Variants in PHF24 observed in about 807,000 individuals in gnomAD.
PHF24 encodes the protein PHD finger protein 24.
Under a neutral mutation model 42.6 loss-of-function variants are expected in PHF24, and 25 were observed. The observed-to-expected ratio is 0.59, with a 90% CI of 0.43 to 0.82. The LOEUF (loss-of-function observed/expected upper bound fraction) is 0.82. Ranked by LOEUF, PHF24 falls within the 40% of genes least tolerant of loss-of-function variation. PHF24 has a pLI of 0.00. For synonymous variants in PHF24, 185 were observed against 204.8 expected (o/e 0.90, Z 0.83); for missense variants, 470 against 538.1 (o/e 0.87, Z 1.25).
the PHF24 span, among the ~76,000 whole-genome samples, chr9:34,674,348 A>C: frequency 6.6e-6 from 1 of 152,230 alleles, no homozygotes; most frequent in African/African-American, 2.4e-5. Context: ...TTTCAATGCC[A>C]AGACACTGAA....
chr9:34,868,969 C>A, the PHF24 span, among the ~76,000 whole-genome samples: 2 of 152,178 alleles, frequency 1.3e-5, no homozygotes, highest in Non-Finnish European at 2.9e-5. Context: ...CATGTGTTAT[C>A]GTTCAGCTCC....
At chr9:34,689,669 C>T in the PHF24 span, 1 of 845,198 alleles carries the variant, frequency 1.2e-6, no homozygotes, top group South Asian at 1.6e-5. This position sits in a 1 kb window ranked among gnomAD's most constrained non-coding sequence, Gnocchi z 4.1. Context: ...CACTCACACT[C>T]ACACACACCC....
the PHF24 span, among the ~76,000 whole-genome samples, chr9:34,708,133 T>C: frequency 6.6e-6 from 1 of 151,980 alleles, no homozygotes; most frequent in Non-Finnish European, 1.5e-5. Context: ...TGGAGGTGAT[T>C]TGGGGAATAG....
chr9:34,833,420 A>T, the PHF24 span: 1 of 1,550,898 alleles, frequency 6.4e-7, no homozygotes, highest in Non-Finnish European at 8.7e-7. Context: ...CTGTTCTTTA[A>T]GGTGAACCCC....
intron 4 of PHF24, 38 bp downstream of exon 4, chr9:34,976,268 G>C (rs181763935): frequency 6.5e-7 from 1 of 1,529,684 alleles, no homozygotes; most frequent in Non-Finnish European, 9.1e-7. Context: ...GAGAGGGGCC[G>C]GGCAGATTTC....
At chr9:34,863,931 G>T in the PHF24 span, among the ~76,000 whole-genome samples, 3 of 152,180 alleles carry the variant, frequency 2.0e-5, no homozygotes, top group Non-Finnish European at 4.4e-5. Flanking sequence ...TTCTACAAGA[G>T]AAATTTAACA....
At chr9:34,739,665 G>A in the PHF24 span, among the ~76,000 whole-genome samples, 4 of 152,082 alleles carry the variant, frequency 2.6e-5, no homozygotes, top group Non-Finnish European at 2.9e-5. Context: ...GCAGACCTTC[G>A]CGGTGAGTGT....
the PHF24 span, among the ~76,000 whole-genome samples, chr9:34,760,587 G>A: frequency 6.6e-6 from 1 of 152,184 alleles, no homozygotes; most frequent in African/African-American, 2.4e-5. Context: ...TCACACAGCC[G>A]GTTACCGCCC....
At chr9:34,967,817 C>T (rs191165782) in intron 1 of PHF24, among the ~76,000 whole-genome samples, 6,148 of 152,264 alleles carry the variant, frequency 0.04, 218 homozygotes, top group African/African-American at 0.095. Flanking sequence ...TAGATTCCCT[C>T]ATTAGATCAT....
chr9:34,699,069 T>C, the PHF24 span, among the ~76,000 whole-genome samples: 1 of 152,368 alleles, frequency 6.6e-6, no homozygotes, highest in Non-Finnish European at 1.5e-5. Context: ...CTAAGGGTGC[T>C]ATCTAAGCAA....
chr9:34,869,331 C>T, the PHF24 span, among the ~76,000 whole-genome samples: 1 of 152,188 alleles, frequency 6.6e-6, no homozygotes, highest in Admixed American at 6.6e-5. Context: ...AGTCACCACA[C>T]TGTCTTCTAT....
the PHF24 span, chr9:34,727,128 T>C: frequency 7.1e-7 from 1 of 1,416,804 alleles, no homozygotes; most frequent in Middle Eastern, 1.9e-4. Flanking sequence ...CTGTCTGCTT[T>C]CCTTGCTAAG....
the PHF24 span, chr9:34,723,480 G>A: frequency 3.9e-6 from 6 of 1,551,822 alleles, no homozygotes; most frequent in Non-Finnish European, 5.2e-6. Context: ...GCTGGAGCCA[G>A]GCTCTTTGCA....
At chr9:34,793,395 C>A in the PHF24 span, among the ~76,000 whole-genome samples, 4 of 152,164 alleles carry the variant, frequency 2.6e-5, no homozygotes, top group East Asian at 7.7e-4. Context: ...ATGGACTATT[C>A]AAAAGCCTTT....
the PHF24 span, among the ~76,000 whole-genome samples, chr9:34,732,464 AT>A: frequency 4.0e-5 from 6 of 151,338 alleles, no homozygotes; most frequent in Non-Finnish European, 5.9e-5. Context: ...GGATTATTAG[AT>A]TTTTTTTTCT....
the PHF24 span, among the ~76,000 whole-genome samples, chr9:34,935,742 G>GT: frequency 6.0e-5 from 9 of 150,904 alleles, no homozygotes; most frequent in East Asian, 1.9e-4. Flanking sequence ...GTGTGGGGGG[G>GT]GGGTGTGTGT....
At chr9:34,872,531 T>G in the PHF24 span, among the ~76,000 whole-genome samples, 1 of 151,050 alleles carries the variant, frequency 6.6e-6, no homozygotes, top group African/African-American at 2.4e-5. Context: ...ACAAAGGACA[T>G]GAACTCATCA....
chr9:34,695,592 T>C, the PHF24 span, among the ~76,000 whole-genome samples: 4 of 152,286 alleles, frequency 2.6e-5, no homozygotes, highest in African/African-American at 4.8e-5. Context: ...GGGGCAGTCT[T>C]GTGGAACTGA....
At chr9:34,682,911 G>A in the PHF24 span, among the ~76,000 whole-genome samples, 2 of 152,168 alleles carry the variant, frequency 1.3e-5, no homozygotes, top group Non-Finnish European at 2.9e-5. Flanking sequence ...CATCTGGCAG[G>A]CTGACCACCT....
Sources: allele counts gnomAD v4.1 joint callset (sites outside exome capture counted in the v4.1 genomes callset), GRCh38; gene constraint gnomAD v4.1.1; non-coding constraint Gnocchi (gnomAD v3.1); transcripts MANE v1.5; gene names NCBI Gene and HGNC (gene_info 2026-07-23, HGNC 2026-07-21).